SUGCT: variants seen among roughly 807,000 people sequenced by gnomAD.
SUGCT encodes succinyl-CoA:glutarate-CoA transferase.
A neutral mutation model predicts 55.0 loss-of-function variants in SUGCT; 41 were observed. That is an observed-to-expected ratio of 0.74 (90% CI 0.58 to 0.97). The LOEUF (loss-of-function observed/expected upper bound fraction) is 0.97. SUGCT is among the 50% of genes least tolerant of loss of function. The pLI, the probability that SUGCT is intolerant of heterozygous loss-of-function variation, is 0.00. For missense variants in SUGCT, 568 were observed against 547.8 expected, an observed-to-expected ratio of 1.04 and a Z score of -0.37; for synonymous variants, 187 against 200.4, an observed-to-expected ratio of 0.93 and a Z score of 0.56.
chr7:40,562,377 G>A lies in SUGCT; in HGVS notation c.1089+65991G>A, dbSNP rs148216337. On this transcript the variant is annotated intron_variant, in intron 12 of 13. Coordinates refer to ENST00000335693, the MANE Select transcript of SUGCT (RefSeq NM_001193313.2). ...GGTCATTCCATGCTGAGTGACTGACGTGTAAAGACTGAGGCAATGAGGTGT... is the reference window on the plus strand; with the variant it reads ...GGTCATTCCATGCTGAGTGACTGACATGTAAAGACTGAGGCAATGAGGTGT... Among the ~76,000 whole-genome samples the A allele has an allele frequency of 6.6e-5, 10 of 152,158 alleles. No individual in the cohort carries two copies. In the East Asian group the frequency reaches 1.9e-3, roughly 30 times the overall value.
chr7:40,459,324 C>G lies in SUGCT; in HGVS notation c.986+126C>G, dbSNP rs554065154. 6 of 634,154 alleles carry G rather than the reference C, an allele frequency of 9.5e-6. No individual in the cohort carries two copies. In the South Asian group the frequency reaches 1.1e-4, roughly 12 times the overall value. 39.3% of individuals were successfully genotyped at this position (634,154 alleles called of 1,614,324 possible). A position where few individuals can be genotyped will look rare whatever the true frequency, so the allele number is the denominator to read the frequency against. On this transcript the variant is annotated intron_variant, in intron 11 of 13. Transcript: ENST00000335693. Reference sequence around the variant, plus strand: ...TGTAATTCTCTTCCATTTTACAAAACTGGCTGGTGGAGAGATTTTAAAGCT... The same window carrying G: ...TGTAATTCTCTTCCATTTTACAAAAGTGGCTGGTGGAGAGATTTTAAAGCT...
At chr7:40,955,439 G>A in the SUGCT span, among the ~76,000 whole-genome samples, 1 of 152,130 alleles carries the variant, frequency 6.6e-6, no homozygotes, top group Non-Finnish European at 1.5e-5. Flanking sequence ...CTGTTTTTCT[G>A]TTGTTGGTGT....
the SUGCT span, among the ~76,000 whole-genome samples, chr7:41,027,764 T>G: frequency 6.6e-6 from 1 of 152,188 alleles, no homozygotes; most frequent in South Asian, 2.1e-4. Context: ...AGGGACATAT[T>G]TAATTTTTTA....
intron 12 of SUGCT, among the ~76,000 whole-genome samples, chr7:40,729,679 T>G (rs1387241147): frequency 2.0e-5 from 3 of 152,320 alleles, no homozygotes; most frequent in Admixed American, 1.3e-4. Context: ...TTGGACTTTA[T>G]CTTGTAGACC....
At chr7:40,237,527 C>G in intron 6 of SUGCT, 108 bp from the exon 7 acceptor site, 3 of 862,522 alleles carry the variant, frequency 3.5e-6, no homozygotes, top group East Asian at 2.5e-5. Context: ...CTAATAGTCT[C>G]GAAATGCTGC....
rs371186999 is a variant in SUGCT at position 40,316,754 on chromosome 7, T to C, written c.721-6T>C. 7.6e-6 allele frequency: 12 copies of C among 1,577,696 alleles called. No individual in the cohort carries two copies. The highest frequency in any genetic ancestry group is 1.3e-5 in the African/African-American group (1 of 74,270). ...TATTTTATTTATTTACTTTTTTTCC[T>C]GGTAGGTGGCGTGTTTGTCTCACAT... On this transcript the variant is annotated splice_region_variant and splice_polypyrimidine_tract_variant and intron_variant, in intron 8 of 13. Transcript: ENST00000335693.
At chr7:40,367,089 A>G (rs1263341563) in intron 9 of SUGCT, among the ~76,000 whole-genome samples, 1 of 152,150 alleles carries the variant, frequency 6.6e-6, no homozygotes, top group Non-Finnish European at 1.5e-5. Context: ...GCAGCCATAA[A>G]AAATGATGAG....
chr7:40,864,469 A>ACAAGGTGGGCAGTATG (rs1231695038), downstream of SUGCT, among the ~76,000 whole-genome samples: 1 of 152,142 alleles, frequency 6.6e-6, no homozygotes, highest in Non-Finnish European at 1.5e-5. Context: ...GAACTTTTAA[A>ACAAGGTGGGCAGTATG]CAAGGTGGGC....
intron 13 of SUGCT, among the ~76,000 whole-genome samples, chr7:40,825,002 G>T (rs1792243731): frequency 6.6e-6 from 1 of 152,202 alleles, no homozygotes; most frequent in Admixed American, 6.5e-5. Flanking sequence ...GCTTCATGCA[G>T]TCTTTCAGGA....
intron 13 of SUGCT, among the ~76,000 whole-genome samples, chr7:40,784,267 C>T (rs1426727459): frequency 6.6e-6 from 1 of 152,090 alleles, no homozygotes; most frequent in Non-Finnish European, 1.5e-5. Flanking sequence ...CTTAGTTCTG[C>T]TCCACTCATC....
intron 11 of SUGCT, among the ~76,000 whole-genome samples, chr7:40,484,021 A>G (rs1444239135): frequency 6.6e-6 from 1 of 152,198 alleles, no homozygotes; most frequent in Non-Finnish European, 1.5e-5. Flanking sequence ...GTTACTATGC[A>G]GTGTGCTAAG....
chr7:40,560,660 G>T lies in SUGCT; in HGVS notation c.1089+64274G>T, dbSNP rs533924660. On this transcript the variant is annotated intron_variant, in intron 12 of 13. Transcript: ENST00000335693. The stretch of plus-strand genomic sequence containing the variant: ...TCCACCCAACCCTCCAAATTTCACT[G>T]TTTGGCTTTGTATTGAAAATTGAAA... Among the ~76,000 whole-genome samples the T allele has an allele frequency of 6.6e-5, 10 of 152,250 alleles. No individual in the cohort carries two copies. In the South Asian group the frequency reaches 2.1e-3, roughly 32 times the overall value.
At chr7:40,703,911 G>C (rs1203379022) in intron 12 of SUGCT, among the ~76,000 whole-genome samples, 1 of 152,216 alleles carries the variant, frequency 6.6e-6, no homozygotes, top group African/African-American at 2.4e-5. Flanking sequence ...AGCCACTAAA[G>C]GTCTGACAAA....
intron 12 of SUGCT, among the ~76,000 whole-genome samples, chr7:40,550,401 C>A (rs1795236557): frequency 6.6e-6 from 1 of 152,180 alleles, no homozygotes; most frequent in Non-Finnish European, 1.5e-5. Context: ...CCTAGTCTTT[C>A]ATGAAGTTGC....
chr7:40,809,296 T>C (rs2128755856), intron 13 of SUGCT, among the ~76,000 whole-genome samples: 1 of 152,312 alleles, frequency 6.6e-6, no homozygotes, highest in East Asian at 1.9e-4. Flanking sequence ...TGATTTTTCC[T>C]TCTGAAGTAA....
intron 9 of SUGCT, among the ~76,000 whole-genome samples, chr7:40,445,629 C>T (rs1788786332): frequency 6.6e-6 from 1 of 152,084 alleles, no homozygotes; most frequent in Non-Finnish European, 1.5e-5. Flanking sequence ...AAGAGGGAAT[C>T]CTCCCTAACT....
At chr7:40,169,210 G>A (rs764596337) in intron 1 of SUGCT, among the ~76,000 whole-genome samples, 1 of 152,106 alleles carries the variant, frequency 6.6e-6, no homozygotes, top group Non-Finnish European at 1.5e-5. Flanking sequence ...CCCTAACAAA[G>A]TGGGGCTTTC....
chr7:40,252,775 C>T (rs921829792), intron 7 of SUGCT, among the ~76,000 whole-genome samples: 3 of 151,882 alleles, frequency 2.0e-5, no homozygotes, highest in African/African-American at 7.3e-5. Flanking sequence ...AGCCTCCTAA[C>T]TAGCTGGGAC....
chr7:40,813,630 AG>A (rs1791530351), intron 13 of SUGCT, among the ~76,000 whole-genome samples: 1 of 152,134 alleles, frequency 6.6e-6, no homozygotes, highest in Non-Finnish European at 1.5e-5. Flanking sequence ...TGTGTAAGAT[AG>A]GTCTCTTGAT....
Sources: gnomAD v4.1 joint callset for allele counts (sites outside exome capture counted in the v4.1 genomes callset) on GRCh38, gnomAD v4.1.1 for gene constraint, MANE v1.5 for transcripts, NCBI Gene and HGNC (gene_info 2026-07-23, HGNC 2026-07-21) for gene names.